SDK2: variants seen among roughly 807,000 people sequenced by gnomAD.
SDK2 encodes the protein sidekick cell adhesion molecule 2, also known as protein sidekick-2.
A neutral mutation model predicts 253.9 loss-of-function variants in SDK2; 105 were observed. The observed-to-expected ratio is 0.41, with a 90% confidence interval of 0.35 to 0.49. The LOEUF (loss-of-function observed/expected upper bound fraction) is 0.49, where lower values mean the gene tolerates loss of function less well. Ranked by LOEUF, SDK2 falls within the 20% of genes least tolerant of loss-of-function variation. The pLI, the probability that SDK2 is intolerant of heterozygous loss-of-function variation, is 0.06. For missense variants in SDK2, 2,608 were observed against 3,003.0 expected (o/e 0.87, Z 3.07); for synonymous variants, 1,249 against 1,234.9 (o/e 1.01, Z -0.24).
At chr17:73,627,884 C>T (rs1239582861) in intron 1 of SDK2, among the ~76,000 whole-genome samples, 1 of 152,068 alleles carries the variant, frequency 6.6e-6, no homozygotes, top group African/African-American at 2.4e-5. Flanking sequence ...CCCGTCTCCA[C>T]TACAAATACA....
rs190592660 is a variant in SDK2 at position 73,481,722 on chromosome 17, C to G, written c.225-9504G>C. On this transcript the variant is annotated intron_variant, in intron 2 of 44. Transcript: ENST00000392650. This position sits in a 1 kb window ranked among gnomAD's most constrained non-coding sequence, Gnocchi z 4.5. ...GGAGGAGATGCCCATCTTCTCCTGC[C>G]CTTGGACGCTGGGGCTCCTGGTTCC... Among the ~76,000 whole-genome samples the G allele has an allele frequency of 3.7e-4, 56 of 152,184 alleles. No homozygotes were observed. The highest frequency in any genetic ancestry group is 1.3e-3 in the African/African-American group (56 of 41,504).
At position 73,405,492 on chromosome 17, in the gene SDK2, ATATATATATATATATAT is replaced by A. The variant is rs1568385676; in HGVS notation, c.2485-3368_2485-3352del. ...CATATATATATATATATATATATATATATATATATATATATATATATATATAAAGATCGAGAATGTGG... is the reference window on the plus strand; with the variant it reads ...CATATATATATATATATATATATATAATATATATAAAGATCGAGAATGTGG... On this transcript the variant is annotated intron_variant, in intron 18 of 44. Transcript: ENST00000392650. Among the ~76,000 whole-genome samples the A allele has an allele frequency of 1.8e-3, 179 of 99,688 alleles. 24 individuals carry two copies. Among genetic ancestry groups the A allele is most frequent in the African/African-American group, 6.2e-3 (170 of 27,592 alleles). 65.4% of individuals were successfully genotyped at this position (99,688 alleles called of 152,430 possible).
intron 10 of SDK2, among the ~76,000 whole-genome samples, chr17:73,432,474 G>A (rs556127586): frequency 6.6e-6 from 1 of 152,158 alleles, no homozygotes; most frequent in Non-Finnish European, 1.5e-5. Flanking sequence ...CCATGTGTAA[G>A]CACGTGCCTA....
intron 1 of SDK2, among the ~76,000 whole-genome samples, chr17:73,521,942 G>A (rs1177696212): frequency 6.6e-6 from 1 of 152,174 alleles, no homozygotes; most frequent in Non-Finnish European, 1.5e-5. Context: ...GCCAGGCCTC[G>A]TGCTGGTGCG....
intron 1 of SDK2, among the ~76,000 whole-genome samples, chr17:73,606,674 T>A (rs185152803): frequency 1.3e-5 from 2 of 152,266 alleles, no homozygotes; most frequent in African/African-American, 4.8e-5. Context: ...CAGAGCCTGT[T>A]TTCTTTTGGA....
rs544423224 is a variant in SDK2 at position 73,353,566 on chromosome 17, AT to A, written c.5594-930del. On this transcript the variant is annotated intron_variant, in intron 40 of 44. Transcript: ENST00000392650. ...TTTCCAAATCCACCATGCCTGACTAATTTTGTATTTTTAGTAGAGACGGGGT... is the reference window on the plus strand; with the variant it reads ...TTTCCAAATCCACCATGCCTGACTAATTTGTATTTTTAGTAGAGACGGGGT... Among the ~76,000 whole-genome samples the A allele has an allele frequency of 1.0e-3, 153 of 151,632 alleles. 1 individual carries two copies. The highest frequency in any genetic ancestry group is 3.5e-3 in the African/African-American group (146 of 41,308).
At chr17:73,353,644 C>G (rs2062558748) in intron 40 of SDK2, among the ~76,000 whole-genome samples, 1 of 151,510 alleles carries the variant, frequency 6.6e-6, no homozygotes, top group Non-Finnish European at 1.5e-5. Context: ...GGTGATCTGC[C>G]TACCTCAGCC....
rs759164295 is a variant in SDK2 at position 73,348,694 on chromosome 17, G to A, written c.6070C>T (p.His2024Tyr). 233 of 1,610,804 alleles carry A rather than the reference G, an allele frequency of 1.4e-4. No individual in the cohort carries two copies. The highest frequency in any genetic ancestry group is 1.9e-4 in the Non-Finnish European group (219 of 1,179,624). Residue 2024 changes from histidine to tyrosine, a missense_variant, in exon 44 of 45, where the codon CAC becomes TAC. By Grantham distance (83) the His-to-Tyr change is moderately conservative. This residue lies in a region of SDK2 where 1,103 missense variants were observed against 1,143.9 expected (regional missense o/e 0.96). Transcript: ENST00000392650. ...TTGGTGACATCCTCATCCGAGTAGT[G>A]CAGGCTGCCTGGGCTGGGCCTGGGG... ...SPPRPSPGSL[H>Y]YSDEDVTKYN...
rs561370374 is a variant in SDK2 at position 73,528,255 on chromosome 17, C to T, written c.65-20658G>A. 5.4e-4 allele frequency among the ~76,000 whole-genome samples: 82 copies of T among 152,266 alleles called. 1 individual carries two copies. Among genetic ancestry groups the T allele is most frequent in the African/African-American group, 1.8e-3 (73 of 41,544 alleles). ...GGGGAGAGTGAAGAGGTAGGGAGCC[C>T]GGCAGTCTTTGCTGAGTACATCTCC... On this transcript the variant is annotated intron_variant, in intron 1 of 44. Transcript: ENST00000392650.
chr17:73,536,218 T>A (rs2044769793), intron 1 of SDK2, among the ~76,000 whole-genome samples: 1 of 152,148 alleles, frequency 6.6e-6, no homozygotes, highest in African/African-American at 2.4e-5. Context: ...TTCTAGCAAG[T>A]TCTCAGGTGA....
chr17:73,521,633 G>A (rs1443203266), intron 1 of SDK2, among the ~76,000 whole-genome samples: 1 of 152,180 alleles, frequency 6.6e-6, no homozygotes, highest in South Asian at 2.1e-4. Flanking sequence ...GGAGGGTGGG[G>A]ATGCATTTCC....
intron 1 of SDK2, among the ~76,000 whole-genome samples, chr17:73,637,762 C>T (rs929517712): frequency 6.6e-6 from 1 of 152,222 alleles, no homozygotes. Context: ...ATGGTACATC[C>T]ATGTATGAAT....
At chr17:73,610,486 G>A (rs1428813661) in intron 1 of SDK2, among the ~76,000 whole-genome samples, 4 of 152,222 alleles carry the variant, frequency 2.6e-5, no homozygotes, top group African/African-American at 9.6e-5. Context: ...GTGACAGCAT[G>A]CATGACGCTT....
At chr17:73,423,297 G>A (rs2063248891) in intron 14 of SDK2, 89 bp downstream of exon 14, 2 of 1,231,130 alleles carry the variant, frequency 1.6e-6, no homozygotes, top group Non-Finnish European at 2.1e-6. Context: ...CCAGAACTAG[G>A]AAGCAGGAGA....
At chr17:73,353,677 G>C (rs1261001220) in intron 40 of SDK2, among the ~76,000 whole-genome samples, 1 of 149,164 alleles carries the variant, frequency 6.7e-6, no homozygotes, top group Non-Finnish European at 1.5e-5. Flanking sequence ...GGGATTACAG[G>C]TGTGAGCCAC....
At chr17:73,571,716 C>T (rs776705943) in intron 1 of SDK2, among the ~76,000 whole-genome samples, 2 of 152,220 alleles carry the variant, frequency 1.3e-5, no homozygotes, top group African/African-American at 2.4e-5. Context: ...CACCGTTTCC[C>T]GCCCGGCCTG....
chr17:73,461,608 T>C (rs1429307153), intron 3 of SDK2, among the ~76,000 whole-genome samples: 1 of 152,040 alleles, frequency 6.6e-6, no homozygotes, highest in East Asian at 1.9e-4. Context: ...TGCCATGGAT[T>C]TGTTCAGTGG....
chr17:73,571,659 G>T (rs543597375), intron 1 of SDK2, among the ~76,000 whole-genome samples: 1 of 152,236 alleles, frequency 6.6e-6, no homozygotes. Context: ...TCTCCTCCTC[G>T]GGTGTGGGGC....
chr17:73,475,722 G>A (rs571571811), intron 2 of SDK2, among the ~76,000 whole-genome samples: 283 of 152,322 alleles, frequency 1.9e-3, no homozygotes, highest in African/African-American at 6.4e-3. Context: ...AAAAGCACGC[G>A]ATAGCAAGAT....
Sources: gnomAD v4.1 joint callset for allele counts (sites outside exome capture counted in the v4.1 genomes callset) on GRCh38, gnomAD v4.1.1 for gene constraint, gnomAD v4.1.1 regional missense constraint, Gnocchi (gnomAD v3.1) non-coding constraint, MANE v1.5 for transcripts, NCBI Gene and HGNC (gene_info 2026-07-23, HGNC 2026-07-21) for gene names.